Variants in ESRP1 observed in about 807,000 individuals in gnomAD.
The protein encoded by ESRP1 is epithelial splicing regulatory protein 1.
In ESRP1, 33 loss-of-function variants were observed where a neutral mutation model predicts 81.7. The observed-to-expected ratio is 0.40, with a 90% confidence interval of 0.31 to 0.54. The LOEUF (loss-of-function observed/expected upper bound fraction) is 0.54. ESRP1 is among the 20% of genes least tolerant of loss of function. ESRP1 has a pLI of 0.41. For synonymous variants in ESRP1, 320 were observed against 303.3 expected (o/e 1.06, Z -0.57); for missense variants, 672 against 833.1 (o/e 0.81, Z 2.38).
intron 11 of ESRP1, 45 bp downstream of exon 11, chr8:94,671,716 A>G (rs1250092767): frequency 2.2e-6 from 3 of 1,351,232 alleles, no homozygotes; most frequent in East Asian, 4.8e-5. Context: ...TTTTCTCACT[A>G]CATATGAGAA....
At chr8:94,642,205 C>A (rs1817637325) in intron 2 of ESRP1, 121 bp downstream of exon 2, 9 of 1,273,318 alleles carry the variant, frequency 7.1e-6, no homozygotes, top group Non-Finnish European at 9.6e-6. Flanking sequence ...TGCCCGGCCG[C>A]GTGGGTGGGA....
intron 13 of ESRP1, among the ~76,000 whole-genome samples, chr8:94,679,028 A>G (rs1249339866): frequency 6.6e-6 from 1 of 152,166 alleles, no homozygotes; most frequent in African/African-American, 2.4e-5. Flanking sequence ...TACATGCACG[A>G]GCATGTAAAT....
chr8:94,650,484 C>T (rs1197304584), intron 4 of ESRP1, among the ~76,000 whole-genome samples: 1 of 152,140 alleles, frequency 6.6e-6, no homozygotes, highest in Non-Finnish European at 1.5e-5. Flanking sequence ...CGGTAATATG[C>T]ATTTAAGATT....
Position 94,641,931 on chromosome 8 carries a change from G to T in ESRP1, c.133-25G>T. On this transcript the variant is annotated intron_variant, in intron 1 of 15. Transcript: ENST00000433389. ...AGAGGCTCCGAAATTGGGGGAAACT[G>T]ACCCGTGCTTCTCTACCTTCGGAGG... is the stretch of plus-strand genomic sequence containing the variant. The T allele has an allele frequency of 1.9e-6, 3 of 1,612,356 alleles. No individual in the cohort carries two copies. The South Asian group carries it at 3.3e-5, about 18-fold the overall frequency.
chr8:94,657,496 T>TGC (rs1818494683), intron 4 of ESRP1, among the ~76,000 whole-genome samples: 1 of 151,520 alleles, frequency 6.6e-6, no homozygotes, highest in African/African-American at 2.4e-5. Context: ...TGTGTGTGTG[T>TGC]GTGTGTGTAA....
chr8:94,641,406 T>C lies in ESRP1; in HGVS notation c.88T>C (p.Leu30=). 6.2e-7 allele frequency: 1 copy of C among 1,613,116 alleles called. No individual in the cohort carries two copies. The highest frequency in any genetic ancestry group is 8.5e-7 in the Non-Finnish European group (1 of 1,179,690). The change falls in exon 1 of 16, where the codon TTG becomes CTG. Residue 30 remains leucine (L), a synonymous_variant. Transcript: ENST00000433389. The part of the protein sequence containing the change: ...GAKLGSDEKE[L]ILLFWKVVDL... ...CAAGCTAGGCTCGGATGAGAAGGAG[T>C]TGATCCTGCTGTTCTGGAAAGTCGT... is the stretch of plus-strand genomic sequence containing the variant.
At chr8:94,660,709 C>CAAAAAAAAAAA (rs60316449) in intron 4 of ESRP1, among the ~76,000 whole-genome samples, 3 of 43,542 alleles carry the variant, frequency 6.9e-5, no homozygotes, top group Non-Finnish European at 1.1e-4. Context: ...GAGACTATCT[C>CAAAAAAAAAAA]AAAAAAAAAA....
Position 94,662,307 on chromosome 8 carries a change from T to A in ESRP1, c.526T>A (p.Tyr176Asn). 6.3e-7 allele frequency: 1 copy of A among 1,583,714 alleles called. No individual in the cohort carries two copies. The highest frequency in any genetic ancestry group is 8.6e-7 in the Non-Finnish European group (1 of 1,163,534). The change falls in exon 5 of 16, where the codon TAT becomes AAT. Residue 176 changes from tyrosine (Y) to asparagine (N), a missense_variant. Physicochemically the swap from Tyr to Asn is moderately radical, Grantham distance 143 (BLOSUM62 -2). Coordinates refer to ENST00000433389, the MANE Select transcript of ESRP1 (RefSeq NM_017697.4). ...NFEKSSSVSRYGASQVEDMGN... is the reference protein window; with the variant it reads ...NFEKSSSVSRNGASQVEDMGN... ...TGAGAAGAGTAGTTCAGTCTCTCGA[T>A]ATGGAGCCTCTCAAGTTGAAGATAT...
At chr8:94,651,798 G>A (rs1255970763) in intron 4 of ESRP1, among the ~76,000 whole-genome samples, 1 of 151,608 alleles carries the variant, frequency 6.6e-6, no homozygotes, top group Non-Finnish European at 1.5e-5. Context: ...TGTATTTTTA[G>A]TAGTATTTAA....
At chr8:94,683,625 A>C (rs554256521) in intron 13 of ESRP1, among the ~76,000 whole-genome samples, 1 of 152,362 alleles carries the variant, frequency 6.6e-6, no homozygotes, top group East Asian at 1.9e-4. Flanking sequence ...AATATTTAGT[A>C]TCACAAATGC....
intron 2 of ESRP1, among the ~76,000 whole-genome samples, chr8:94,642,762 G>A (rs1457617352): frequency 6.6e-6 from 1 of 152,136 alleles, no homozygotes; most frequent in East Asian, 1.9e-4. Context: ...GATCGGGTAG[G>A]GCGGGGCGCT....
chr8:94,676,075 T>C lies in ESRP1; in HGVS notation c.1651+1569T>C, dbSNP rs370983521. On this transcript the variant is annotated intron_variant, in intron 12 of 15. Transcript: ENST00000433389. ...GTGCATATACACTACTTTAGATATATAAGATTAGCTATCCTAGGCTGGGCA... is the reference window on the plus strand; with the variant it reads ...GTGCATATACACTACTTTAGATATACAAGATTAGCTATCCTAGGCTGGGCA... 2.0e-5 allele frequency among the ~76,000 whole-genome samples: 3 copies of C among 152,200 alleles called. No homozygotes were observed. The East Asian group carries it at 5.8e-4, about 29-fold the overall frequency.
chr8:94,647,016 G>A (rs978171217), intron 4 of ESRP1, among the ~76,000 whole-genome samples: 1 of 152,192 alleles, frequency 6.6e-6, no homozygotes, highest in Non-Finnish European at 1.5e-5. Flanking sequence ...AAGCCACTGT[G>A]AGAGTCATCA....
At chr8:94,665,590 C>T (rs1405521393) in intron 9 of ESRP1, among the ~76,000 whole-genome samples, 1 of 152,146 alleles carries the variant, frequency 6.6e-6, no homozygotes, top group Non-Finnish European at 1.5e-5. Flanking sequence ...CTCCCAGGCT[C>T]AAGCAATTCT....
chr8:94,669,740 T>C (rs1312083249), intron 10 of ESRP1, among the ~76,000 whole-genome samples: 1 of 151,972 alleles, frequency 6.6e-6, no homozygotes, highest in East Asian at 1.9e-4. Flanking sequence ...CATGGCAGTG[T>C]GCGCCTTTAG....
chr8:94,651,130 G>T (rs2130557510), intron 4 of ESRP1, among the ~76,000 whole-genome samples: 1 of 152,136 alleles, frequency 6.6e-6, no homozygotes, highest in African/African-American at 2.4e-5. Context: ...AGGGGGAATG[G>T]TGAGGGAAAG....
chr8:94,687,155 A>G (rs531281797), intron 13 of ESRP1, among the ~76,000 whole-genome samples: 7 of 152,286 alleles, frequency 4.6e-5, no homozygotes, highest in African/African-American at 1.4e-4. Context: ...CCTGTCCTCT[A>G]TCTCTTCACT....
intron 9 of ESRP1, among the ~76,000 whole-genome samples, chr8:94,665,525 T>C (rs1379762574): frequency 1.3e-5 from 2 of 152,208 alleles, no homozygotes; most frequent in Non-Finnish European, 2.9e-5. Context: ...AGAGTTTCGC[T>C]CTGTCACCCA....
chr8:94,665,284 T>C (rs780953025), intron 9 of ESRP1, 88 bp downstream of exon 9: 13 of 1,271,828 alleles, frequency 1.0e-5, no homozygotes, highest in Non-Finnish European at 1.4e-5. Context: ...GTGAATAGGG[T>C]CATGAATGGT....
Sources: allele counts gnomAD v4.1 joint callset (sites outside exome capture counted in the v4.1 genomes callset), GRCh38; gene constraint gnomAD v4.1.1; transcripts MANE v1.5; gene names NCBI Gene and HGNC (gene_info 2026-07-23, HGNC 2026-07-21).